ATP8A1: variants seen among roughly 807,000 people sequenced by gnomAD.
The protein encoded by ATP8A1 is ATPase phospholipid transporting 8A1.
A neutral mutation model predicts 177.7 loss-of-function variants in ATP8A1; 90 were observed. That is an observed-to-expected ratio of 0.51 (90% CI 0.43 to 0.60). ATP8A1 has a LOEUF of 0.60. Ranked by LOEUF, ATP8A1 falls within the 20% of genes least tolerant of loss-of-function variation. The pLI, the probability that ATP8A1 is intolerant of heterozygous loss-of-function variation, is 0.00. For synonymous variants in ATP8A1, 493 were observed against 485.9 expected, an observed-to-expected ratio of 1.01 and a Z score of -0.19; for missense variants, 1,072 against 1,392.8, an observed-to-expected ratio of 0.77 and a Z score of 3.67.
At chr4:42,518,663 G>A (rs1725813171) in intron 22 of ATP8A1, among the ~76,000 whole-genome samples, 1 of 152,192 alleles carries the variant, frequency 6.6e-6, no homozygotes. Flanking sequence ...TTCACTGTCT[G>A]ACATGCTAAG....
At chr4:42,479,741 T>C (rs1023923045) in intron 25 of ATP8A1, among the ~76,000 whole-genome samples, 1 of 152,196 alleles carries the variant, frequency 6.6e-6, no homozygotes, top group Non-Finnish European at 1.5e-5. Context: ...GTATATATGT[T>C]TATTCAAAGT....
chr4:42,651,013 G>C (rs931376430), intron 1 of ATP8A1, among the ~76,000 whole-genome samples: 1 of 152,110 alleles, frequency 6.6e-6, no homozygotes. Flanking sequence ...CTGAATCATG[G>C]GGACAGGTCT....
intron 15 of ATP8A1, chr4:42,561,785 C>T (rs973095886): frequency 6.6e-6 from 1 of 152,222 alleles, no homozygotes; most frequent in Non-Finnish European, 1.5e-5. Context: ...AGGAGTGGAT[C>T]TCAATAGGGA....
At chr4:42,450,673 T>C (rs1717840247) in intron 30 of ATP8A1, among the ~76,000 whole-genome samples, 1 of 152,210 alleles carries the variant, frequency 6.6e-6, no homozygotes. Context: ...AGCTAGAATA[T>C]GAAACCACTG....
intron 15 of ATP8A1, 64 bp downstream of exon 15, chr4:42,569,097 A>G: frequency 8.9e-7 from 1 of 1,122,496 alleles, no homozygotes; most frequent in Non-Finnish European, 1.2e-6. Context: ...AATGTGTCTT[A>G]CAAAACAATA....
chr4:42,537,601 T>C (rs1000154873), intron 20 of ATP8A1, among the ~76,000 whole-genome samples: 10 of 152,154 alleles, frequency 6.6e-5, no homozygotes, highest in African/African-American at 2.2e-4. Context: ...CACAAACCAG[T>C]AGCTCTGCTA....
chr4:42,483,713 G>A (rs1324839296), intron 25 of ATP8A1, among the ~76,000 whole-genome samples: 3 of 152,080 alleles, frequency 2.0e-5, no homozygotes, highest in Non-Finnish European at 2.9e-5. Context: ...TTTGTGGTTC[G>A]ACTTTTTGAA....
intron 33 of ATP8A1, among the ~76,000 whole-genome samples, chr4:42,438,437 AT>A (rs984578665): frequency 6.6e-6 from 1 of 151,938 alleles, no homozygotes; most frequent in East Asian, 1.9e-4. Flanking sequence ...GTTTTTTTAA[AT>A]TTTTTTTAAC....
intron 4 of ATP8A1, among the ~76,000 whole-genome samples, chr4:42,623,666 AG>A (rs1011052309): frequency 1.2e-4 from 18 of 152,090 alleles, no homozygotes; most frequent in African/African-American, 4.1e-4. Flanking sequence ...ACGGACACAG[AG>A]GGGAACACCA....
chr4:42,509,793 G>A (rs1724809607), intron 22 of ATP8A1, among the ~76,000 whole-genome samples: 1 of 148,132 alleles, frequency 6.8e-6, no homozygotes, highest in Non-Finnish European at 1.5e-5. Context: ...CGGAGCTTGC[G>A]GTAAGCCGAG....
chr4:42,603,908 C>A (rs373599702), intron 5 of ATP8A1, among the ~76,000 whole-genome samples: 1 of 152,200 alleles, frequency 6.6e-6, no homozygotes, highest in East Asian at 1.9e-4. Flanking sequence ...TCCATACACA[C>A]AAACTTGGGT....
At chr4:42,497,271 G>A (rs547942959) in intron 24 of ATP8A1, among the ~76,000 whole-genome samples, 1 of 152,302 alleles carries the variant, frequency 6.6e-6, no homozygotes, top group Admixed American at 6.5e-5. Context: ...CTCTAAAGGA[G>A]CACAGATTAC....
At chr4:42,633,413 T>G (rs929478205) in intron 1 of ATP8A1, among the ~76,000 whole-genome samples, 1 of 152,246 alleles carries the variant, frequency 6.6e-6, no homozygotes, top group Non-Finnish European at 1.5e-5. Flanking sequence ...TAAGACCTGT[T>G]GTTCATTCAT....
intron 25 of ATP8A1, among the ~76,000 whole-genome samples, chr4:42,479,094 G>A (rs997052807): frequency 6.6e-6 from 1 of 152,200 alleles, no homozygotes; most frequent in Non-Finnish European, 1.5e-5. Flanking sequence ...GTTCATTCAT[G>A]AGCTACAGAC....
intron 22 of ATP8A1, among the ~76,000 whole-genome samples, chr4:42,514,222 G>A (rs1725291327): frequency 1.3e-5 from 2 of 152,144 alleles, no homozygotes; most frequent in South Asian, 2.1e-4. Flanking sequence ...AAAGCCAAGG[G>A]CTTAGTTATA....
intron 9 of ATP8A1, among the ~76,000 whole-genome samples, chr4:42,585,396 C>A (rs962491123): frequency 6.6e-6 from 1 of 151,056 alleles, no homozygotes; most frequent in Non-Finnish European, 1.5e-5. Context: ...AAGTTTGTGT[C>A]TCCCCAAAAT....
intron 5 of ATP8A1, among the ~76,000 whole-genome samples, chr4:42,614,987 GAAGAT>G (rs1346922360): frequency 6.6e-6 from 1 of 152,096 alleles, no homozygotes; most frequent in Non-Finnish European, 1.5e-5. Flanking sequence ...ACAAAAATCC[GAAGAT>G]AATTGAGATC....
At chr4:42,566,715 TC>T (rs1167248659) in intron 15 of ATP8A1, among the ~76,000 whole-genome samples, 9 of 152,342 alleles carry the variant, frequency 5.9e-5, no homozygotes, top group African/African-American at 2.2e-4. Context: ...AAGCAGATAT[TC>T]TTTAAAGTTA....
intron 35 of ATP8A1, 187 bp from the exon 36 acceptor site, chr4:42,414,905 A>G: frequency 1.8e-6 from 1 of 569,916 alleles, no homozygotes; most frequent in Non-Finnish European, 3.1e-6. Context: ...CAGACTTTTG[A>G]GGCCATTTTC....
Sources: allele counts gnomAD v4.1 joint callset (sites outside exome capture counted in the v4.1 genomes callset), GRCh38; gene constraint gnomAD v4.1.1; transcripts MANE v1.5; gene names NCBI Gene and HGNC (gene_info 2026-07-23, HGNC 2026-07-21).